The following KCNA7 variants were observed in gnomAD, a reference collection of about 807,000 sequenced individuals.
The protein encoded by KCNA7 is potassium voltage-gated channel subfamily A member 7.
In KCNA7, 15 loss-of-function variants were observed where a neutral mutation model predicts 21.5. The ratio of observed to expected loss-of-function variants is 0.70; its 90% CI spans 0.47 to 1.07. KCNA7 has a LOEUF of 1.07. KCNA7 is among the 50% of genes least tolerant of loss of function. The pLI is 0.00. For missense variants in KCNA7, 640 were observed against 651.6 expected (o/e 0.98, Z 0.19); for synonymous variants, 298 against 291.0 (o/e 1.02, Z -0.24).
Position 49,070,813 on chromosome 19 carries a change from G to T in KCNA7, c.621C>A (p.Asp207Glu), listed in dbSNP as rs1489497069. Residue 207 changes from aspartate to glutamate, a missense_variant, in exon 2 of 2, where the codon GAC becomes GAA. Asp to Glu is a conservative substitution (Grantham distance 45). Transcript: ENST00000221444. The surrounding 1 kb of genome is among the most constrained non-coding windows in gnomAD (Gnocchi z 4.3). ...PGNPPRLPFNDPFFVVETLCI... is the reference protein window; with the variant it reads ...PGNPPRLPFNEPFFVVETLCI... The stretch of plus-strand genomic sequence containing the variant: ...ACAGCGTCTCCACCACGAAGAACGG[G>T]TCATTGAAGGGCAGGCGGGGTGGAT... 6.2e-7 allele frequency: 1 copy of T among 1,614,238 alleles called. No homozygotes were observed. The highest frequency in any genetic ancestry group is 1.3e-5 in the African/African-American group (1 of 75,064).
Position 49,070,836 on chromosome 19 carries a change from G to C in KCNA7, c.598C>G (p.Pro200Ala). 1 of 1,614,094 alleles carries C rather than the reference G, an allele frequency of 6.2e-7. No individual in the cohort carries two copies. The highest frequency in any genetic ancestry group is 1.1e-5 in the South Asian group (1 of 91,064). ...GGGTCATTGAAGGGCAGGCGGGGTGGATTTCCAGGCATTTGGCTGGAGCCA... is the reference window on the plus strand; with the variant it reads ...GGGTCATTGAAGGGCAGGCGGGGTGCATTTCCAGGCATTTGGCTGGAGCCA... ...LNGSSQMPGNPPRLPFNDPFF... is the reference protein window; with the variant it reads ...LNGSSQMPGNAPRLPFNDPFF... Residue 200 changes from proline (P) to alanine (A), a missense_variant, in exon 2 of 2, where the codon CCA becomes GCA. By Grantham distance (27) the Pro-to-Ala change is conservative (BLOSUM62 -1). Transcript: ENST00000221444. This position sits in a 1 kb window ranked among gnomAD's most constrained non-coding sequence, Gnocchi z 4.3.
chr19:49,069,340 C>T lies in KCNA7; in HGVS notation c.*723G>A, dbSNP rs911091583. On this transcript the variant is annotated 3_prime_UTR_variant, in exon 2 of 2. Coordinates refer to ENST00000221444, the MANE Select transcript of KCNA7 (RefSeq NM_031886.3). The stretch of plus-strand genomic sequence containing the variant: ...CATATGGTTGTACAATTCAACACAA[C>T]TCAACTCGCTGTGGCCACGAAAAAT... The T allele has an allele frequency of 5.3e-5, 8 of 152,202 alleles. No homozygotes were observed. The highest frequency in any genetic ancestry group is 7.3e-5 in the Non-Finnish European group (5 of 68,078). 9.4% of individuals were successfully genotyped at this position (152,202 alleles called of 1,614,324 possible). A position where few individuals can be genotyped will look rare whatever the true frequency, so the allele number is the denominator to read the frequency against.
In KCNA7 at chr19:49,070,145, C is replaced by G. The variant is rs986410711; in HGVS notation, c.1289G>C (p.Gly430Ala). The G allele has an allele frequency of 3.7e-6, 6 of 1,613,970 alleles. No individual in the cohort carries two copies. Among genetic ancestry groups the G allele is most frequent in the Non-Finnish European group, 3.4e-6 (4 of 1,179,970 alleles). Residue 430 changes from glycine to alanine, a missense_variant, in exon 2 of 2, where the codon GGG becomes GCG. Coordinates refer to ENST00000221444, the MANE Select transcript of KCNA7 (RefSeq NM_031886.3). The surrounding 1 kb of genome is among the most constrained non-coding windows in gnomAD (Gnocchi z 4.3). ...AGGTACCTCCCCGTCCACCAGCCCC[C>G]CATTGGCCTTGCCCTCCAGTGGGCC... ...PCGPLEGKANGGLVDGEVPEL... is the reference protein window; with the variant it reads ...PCGPLEGKANAGLVDGEVPEL...
At position 49,072,205 on chromosome 19, in the gene KCNA7, G is replaced by A; in HGVS notation, c.381C>T (p.Arg127=). 2 of 1,610,518 alleles carry A rather than the reference G, an allele frequency of 1.2e-6. No homozygotes were observed. The highest frequency in any genetic ancestry group is 1.7e-6 in the Non-Finnish European group (2 of 1,178,976). ...ERPLPRRAFA[R]QLWLLFEFPE... is the part of the protein sequence containing the mutation. The stretch of plus-strand genomic sequence containing the variant: ...GAAACTCGAAAAGCAGCCACAGCTG[G>A]CGGGCGAAGGCGCGGCGGGGCAGGG... Residue 127 remains arginine (R), a synonymous_variant, in exon 1 of 2, where the codon CGC becomes CGT. Coordinates refer to ENST00000221444, the MANE Select transcript of KCNA7 (RefSeq NM_031886.3).
chr19:49,071,996 A>AC, intron 1 of KCNA7, 35 bp downstream of exon 1: 3 of 1,504,770 alleles, frequency 2.0e-6, no homozygotes, highest in Non-Finnish European at 2.7e-6. Flanking sequence ...CTCCTCCCAA[A>AC]CCCCGCCCGT....
At chr19:49,071,931 C>T in intron 1 of KCNA7, 100 bp downstream of exon 1, 2 of 1,153,830 alleles carry the variant, frequency 1.7e-6, no homozygotes, top group Non-Finnish European at 2.4e-6. Flanking sequence ...GCCCACCCCT[C>T]GCAGCCCCTG....
chr19:49,070,021 C>A lies in KCNA7; in HGVS notation c.*42G>T. ...GCCCTCCACCCTGCCCTCCCTCCCTCCCTCTAGGGAGGTGTGAGGTCCTGC... is the reference window on the plus strand; with the variant it reads ...GCCCTCCACCCTGCCCTCCCTCCCTACCTCTAGGGAGGTGTGAGGTCCTGC... On this transcript the variant is annotated 3_prime_UTR_variant, in exon 2 of 2. Coordinates refer to ENST00000221444, the MANE Select transcript of KCNA7 (RefSeq NM_031886.3). The surrounding 1 kb of genome is among the most constrained non-coding windows in gnomAD (Gnocchi z 4.3). 14 of 1,419,990 alleles carry A rather than the reference C, an allele frequency of 9.9e-6. No homozygotes were observed. The highest frequency in any genetic ancestry group is 1.3e-5 in the Non-Finnish European group (13 of 1,032,280). 88.0% of individuals were successfully genotyped at this position (1,419,990 alleles called of 1,614,324 possible).
Position 49,072,269 on chromosome 19 carries a change from AGG to A in KCNA7, c.315_316del (p.Leu106AlafsTer61). 1 of 1,583,664 alleles carries A rather than the reference AGG, an allele frequency of 6.3e-7. No homozygotes were observed. ...CACCGGGCAGCCCTCGTCCTCGCGC[AGG>A]CGTGCCAGGGCCGCCGCGCCCAGCC... On this transcript the variant is annotated frameshift_variant, in exon 1 of 2. Coordinates refer to ENST00000221444, the MANE Select transcript of KCNA7 (RefSeq NM_031886.3). LOFTEE classifies it high-confidence loss of function.
At chr19:49,071,321 G>A (rs543258139) in intron 1 of KCNA7, among the ~76,000 whole-genome samples, 2 of 152,220 alleles carry the variant, frequency 1.3e-5, no homozygotes, top group South Asian at 2.1e-4. Flanking sequence ...ACTTTGGGAA[G>A]CCGAGGCGGG....
In KCNA7 at chr19:49,072,347, C is replaced by T. The variant is rs1460305684; in HGVS notation, c.239G>A (p.Arg80Gln). The T allele has an allele frequency of 2.5e-6, 4 of 1,594,424 alleles. No individual in the cohort carries two copies. Among genetic ancestry groups the T allele is most frequent in the Non-Finnish European group, 3.4e-6 (4 of 1,175,164 alleles). Reference protein sequence around the residue: ...YYYQSGGRLRRPAHVPLDVFL... With the variant: ...YYYQSGGRLRQPAHVPLDVFL... ...GACGTCGAGCGGCACGTGCGCCGGCCGCCGCAGCCGCCCACCGGACTGGTA... is the reference window on the plus strand; with the variant it reads ...GACGTCGAGCGGCACGTGCGCCGGCTGCCGCAGCCGCCCACCGGACTGGTA... Residue 80 changes from arginine (R) to glutamine (Q), a missense_variant, in exon 1 of 2, where the codon CGG becomes CAG. Transcript: ENST00000221444.
At chr19:49,071,913 T>C (rs1369420188) in intron 1 of KCNA7, 118 bp downstream of exon 1, 1 of 576,462 alleles carries the variant, frequency 1.7e-6, no homozygotes, top group Non-Finnish European at 2.8e-6. Flanking sequence ...CCACCCTGTC[T>C]TCGGCTGGCC....
At position 49,068,223 on chromosome 19, in the gene KCNA7, T is replaced by G. The variant is rs1161407144; in HGVS notation, c.*1840A>C. 6.6e-6 allele frequency: 1 copy of G among 152,092 alleles called. No homozygotes were observed. The highest frequency in any genetic ancestry group is 1.9e-4 in the East Asian group (1 of 5,164). 9.4% of individuals were successfully genotyped at this position (152,092 alleles called of 1,614,324 possible). On this transcript the variant is annotated 3_prime_UTR_variant, in exon 2 of 2. Transcript: ENST00000221444. ...CCTTTTCTGCCTTTTTCTATTGTGG[T>G]TCTCTTTCCCTGAGACTCTGTTGTT...
rs566475219 is a variant in KCNA7, at chr19:49,069,410, C to T, written c.*653G>A. On this transcript the variant is annotated 3_prime_UTR_variant, in exon 2 of 2. Coordinates refer to ENST00000221444, the MANE Select transcript of KCNA7 (RefSeq NM_031886.3). ...CACAGTTAAGCCCAACAGAACCCTA[C>T]AAGATTCATTTGGTCATACAAACTT... 5.2e-5 allele frequency: 8 copies of T among 152,752 alleles called. No individual in the cohort carries two copies. Among genetic ancestry groups the T allele is most frequent in the African/African-American group, 1.9e-4 (8 of 41,578 alleles). The allele number at this position is 152,752 out of a possible 1,614,324, so 9.5% of individuals were successfully genotyped here. A position where few individuals can be genotyped will look rare whatever the true frequency, so the allele number is the denominator to read the frequency against.
rs748076477 is a variant in KCNA7, at chr19:49,072,412, G to A, written c.174C>T (p.Phe58=). 2.5e-6 allele frequency: 4 copies of A among 1,582,272 alleles called. No homozygotes were observed. The East Asian group carries it at 9.4e-5, about 37-fold the overall frequency. ...FYDDARREYF[F]DRHRPSFDAV... is the part of the protein sequence containing the mutation. ...CGTCGAAGCTGGGCCGGTGCCGGTC[G>A]AAGAAATACTCGCGGCGCGCGTCGT... Residue 58 remains phenylalanine, a synonymous_variant, in exon 1 of 2, where the codon TTC becomes TTT. Transcript: ENST00000221444.
At chr19:49,071,433 G>C (rs947028430) in intron 1 of KCNA7, among the ~76,000 whole-genome samples, 6 of 152,152 alleles carry the variant, frequency 3.9e-5, no homozygotes, top group Admixed American at 2.0e-4. Flanking sequence ...GCCTGCACCT[G>C]TAATCCCAGC....
chr19:49,072,650 C>CCCGCCTCGG lies in KCNA7; in HGVS notation c.-74_-66dup, dbSNP rs1271824145. 5.3e-5 allele frequency: 52 copies of CCCGCCTCGG among 983,264 alleles called. 1 individual carries two copies. In the African/African-American group the frequency reaches 5.3e-4, roughly 10 times the overall value. 60.9% of individuals were successfully genotyped at this position (983,264 alleles called of 1,614,324 possible). A position where few individuals can be genotyped will look rare whatever the true frequency, so the allele number is the denominator to read the frequency against. ...CCCCGACGCCCGGCCCCGGTGCGGC[C>CCCGCCTCGG]CCGCCTCGGCCGCCTCGGCCGCCGC... On this transcript the variant is annotated 5_prime_UTR_variant, in exon 1 of 2. Transcript: ENST00000221444.
In KCNA7 at chr19:49,070,506, G is replaced by C. The variant is rs766196010; in HGVS notation, c.928C>G (p.Arg310Gly). The change falls in exon 2 of 2, where the codon CGT (arginine) becomes GGT (glycine). Residue 310 changes from arginine (R) to glycine (G), a missense_variant. Arg to Gly is a moderately radical substitution (Grantham distance 125). Coordinates refer to ENST00000221444, the MANE Select transcript of KCNA7 (RefSeq NM_031886.3). The surrounding 1 kb of genome is among the most constrained non-coding windows in gnomAD (Gnocchi z 4.3). ...ILGQTLRASM[R>G]ELGLLIFFLF... ...AAAAAGATGAGGAGGCCCAGCTCAC[G>C]CATGGAGGCCCGAAGCGTCTGGCCC... is the stretch of plus-strand genomic sequence containing the variant. The C allele has an allele frequency of 3.1e-6, 5 of 1,614,034 alleles. No homozygotes were observed. Among genetic ancestry groups the C allele is most frequent in the Admixed American group, 3.3e-5 (2 of 60,002 alleles).
chr19:49,070,288 G>A lies in KCNA7; in HGVS notation c.1146C>T (p.Gly382=), dbSNP rs771346014. The A allele has an allele frequency of 3.1e-6, 5 of 1,614,068 alleles. No individual in the cohort carries two copies. The highest frequency in any genetic ancestry group is 4.5e-5 in the East Asian group (2 of 44,894). ...GCACTGGCAGGGAAATAGTCAGCACGCCCGCAATGGCACACAGAGAGCCCA... is the reference window on the plus strand; with the variant it reads ...GCACTGGCAGGGAAATAGTCAGCACACCCGCAATGGCACACAGAGAGCCCA... ...KIVGSLCAIA[G]VLTISLPVPV... Residue 382 remains glycine (G), a synonymous_variant, in exon 2 of 2, where the codon GGC becomes GGT. Transcript: ENST00000221444. This position sits in a 1 kb window ranked among gnomAD's most constrained non-coding sequence, Gnocchi z 4.3.
chr19:49,071,317 G>A (rs900166334), intron 1 of KCNA7, among the ~76,000 whole-genome samples: 1 of 152,066 alleles, frequency 6.6e-6, no homozygotes, highest in African/African-American at 2.4e-5. Flanking sequence ...CAGCACTTTG[G>A]GAAGCCGAGG....
Sources: gnomAD v4.1 joint callset for allele counts (sites outside exome capture counted in the v4.1 genomes callset) on GRCh38, gnomAD v4.1.1 for gene constraint, Gnocchi (gnomAD v3.1) non-coding constraint, MANE v1.5 for transcripts, NCBI Gene and HGNC (gene_info 2026-07-23, HGNC 2026-07-21) for gene names.